Variants in RNF125 observed in about 807,000 individuals in gnomAD.
The protein encoded by RNF125 is E3 ubiquitin-protein ligase RNF125.
RNF125 carries 21 observed loss-of-function variants against 26.0 expected under a neutral mutation model. The ratio of observed to expected loss-of-function variants is 0.81; its 90% CI spans 0.57 to 1.16. RNF125 has a LOEUF of 1.16. Ranked by LOEUF, RNF125 falls within the 50% of genes most tolerant of loss-of-function variation. RNF125 has a pLI of 0.00. For synonymous variants in RNF125, 95 were observed against 109.2 expected (o/e 0.87, Z 0.81); for missense variants, 270 against 299.4 (o/e 0.90, Z 0.72).
At chr18:32,031,230 A>T (rs373374422) in intron 1 of RNF125, 2 of 151,984 alleles carry the variant, frequency 1.3e-5, no homozygotes, top group African/African-American at 4.8e-5. Context: ...TCTTGAAAAG[A>T]CTACAAAATT....
rs947487655 is a variant in RNF125, at chr18:32,070,958, C to A, written c.*2574C>A. On this transcript the variant is annotated 3_prime_UTR_variant, in exon 6 of 6. Coordinates refer to ENST00000217740, the MANE Select transcript of RNF125 (RefSeq NM_017831.4). ...ACCTCAGGTGATCCGCCTGCCTCGGCCTCCCAAAGTGCTGGGATTACAGGT... is the reference window on the plus strand; with the variant it reads ...ACCTCAGGTGATCCGCCTGCCTCGGACTCCCAAAGTGCTGGGATTACAGGT... 6.6e-6 allele frequency: 1 copy of A among 152,272 alleles called. No homozygotes were observed. Among genetic ancestry groups the A allele is most frequent in the Non-Finnish European group, 1.5e-5 (1 of 68,114 alleles). 9.4% of individuals were successfully genotyped at this position (152,272 alleles called of 1,614,324 possible). A position where few individuals can be genotyped will look rare whatever the true frequency, so the allele number is the denominator to read the frequency against.
chr18:32,085,382 AGAG>A, the RNF125 span, among the ~76,000 whole-genome samples: 1 of 114,378 alleles, frequency 8.7e-6, no homozygotes, highest in Non-Finnish European at 1.8e-5. Context: ...GCAGAGAGAG[AGAG>A]AGAGAGAGAG....
intron 4 of RNF125, among the ~76,000 whole-genome samples, chr18:32,061,787 T>C (rs868612030): frequency 9.2e-5 from 14 of 152,224 alleles, no homozygotes; most frequent in Non-Finnish European, 1.8e-4. Context: ...CTTGATACAC[T>C]ATTGAAAGTA....
chr18:32,082,774 A>G, the RNF125 span, among the ~76,000 whole-genome samples: 2,320 of 152,278 alleles, frequency 0.015, 64 homozygotes, highest in African/African-American at 0.053. Context: ...GAAAAACACA[A>G]TTCGTATAAC....
intron 4 of RNF125, among the ~76,000 whole-genome samples, chr18:32,059,851 A>T (rs1217254170): frequency 1.3e-5 from 2 of 152,154 alleles, no homozygotes; most frequent in Non-Finnish European, 2.9e-5. Context: ...TATCCTAAGG[A>T]TTTAGAGGAA....
At chr18:32,083,904 G>A in the RNF125 span, among the ~76,000 whole-genome samples, 27 of 139,018 alleles carry the variant, frequency 1.9e-4, no homozygotes, top group Admixed American at 4.4e-4. Context: ...ACCCTGTCTC[G>A]AAAAAAAAAA....
Position 32,045,743 on chromosome 18 carries a change from T to C in RNF125, c.504+11T>C. 1.3e-6 allele frequency: 2 copies of C among 1,570,380 alleles called. No homozygotes were observed. The highest frequency in any genetic ancestry group is 1.4e-5 in the African/African-American group (1 of 73,912). On this transcript the variant is annotated intron_variant, in intron 4 of 5. Transcript: ENST00000217740. Reference sequence around the variant, plus strand: ...GAACGGAGGCCTGTGGTAAGGATTTTTGTTACATGTATTACAGCAATGTCT... The same window carrying C: ...GAACGGAGGCCTGTGGTAAGGATTTCTGTTACATGTATTACAGCAATGTCT...
intron 2 of RNF125, among the ~76,000 whole-genome samples, chr18:32,041,661 C>G (rs1161997718): frequency 9.7e-6 from 1 of 103,104 alleles, no homozygotes; most frequent in Non-Finnish European, 1.7e-5. Flanking sequence ...GACGGAGTCT[C>G]GCTCTGTCGC....
At chr18:32,048,952 T>C (rs571647064) in intron 4 of RNF125, among the ~76,000 whole-genome samples, 4 of 152,366 alleles carry the variant, frequency 2.6e-5, no homozygotes, top group African/African-American at 7.2e-5. Flanking sequence ...CTAGCAACTC[T>C]GTGAAGAAGG....
intron 1 of RNF125, among the ~76,000 whole-genome samples, chr18:32,025,443 C>G (rs2039023715): frequency 6.6e-6 from 1 of 151,904 alleles, no homozygotes; most frequent in Non-Finnish European, 1.5e-5. Flanking sequence ...GTGGGGGGAT[C>G]ACCTGAGGTC....
At chr18:32,026,342 G>A (rs189671850) in intron 1 of RNF125, among the ~76,000 whole-genome samples, 7 of 142,458 alleles carry the variant, frequency 4.9e-5, no homozygotes, top group African/African-American at 1.9e-4. Context: ...TCTGCCTCCC[G>A]GGTTCAAGCA....
At chr18:32,019,128 CT>C in intron 1 of RNF125, 101 bp downstream of exon 1, 1 of 1,415,572 alleles carries the variant, frequency 7.1e-7, no homozygotes, top group Non-Finnish European at 9.6e-7. Context: ...AAGACAGCCT[CT>C]TAGGAAATTG....
chr18:32,053,281 GAAC>G, intron 4 of RNF125, among the ~76,000 whole-genome samples: 1 of 152,156 alleles, frequency 6.6e-6, no homozygotes, highest in Non-Finnish European at 1.5e-5. Context: ...AGAATCGCTT[GAAC>G]CCGGGAGGTG....
the RNF125 span, among the ~76,000 whole-genome samples, chr18:32,086,131 C>T: frequency 7.9e-5 from 12 of 152,044 alleles, no homozygotes; most frequent in African/African-American, 2.2e-4. Context: ...TTTCTTTTCA[C>T]GGCTGGCTCT....
At chr18:32,062,020 CAG>C (rs1173099106) in intron 4 of RNF125, among the ~76,000 whole-genome samples, 4 of 152,152 alleles carry the variant, frequency 2.6e-5, no homozygotes, top group Non-Finnish European at 5.9e-5. Context: ...TCTTCAAGGA[CAG>C]GGATCAAATA....
chr18:32,063,948 A>G (rs1349428321), intron 4 of RNF125, among the ~76,000 whole-genome samples: 1 of 151,924 alleles, frequency 6.6e-6, no homozygotes, highest in Non-Finnish European at 1.5e-5. Flanking sequence ...ATTCCTTTGC[A>G]GTGACAGAAT....
the RNF125 span, among the ~76,000 whole-genome samples, chr18:32,089,984 G>A: frequency 4.6e-5 from 7 of 152,352 alleles, no homozygotes; most frequent in Admixed American, 1.3e-4. Context: ...AGTGGCTCAG[G>A]CCTGTAATTC....
At chr18:32,075,576 C>G (rs1370417518), downstream of RNF125, among the ~76,000 whole-genome samples, 2 of 151,334 alleles carry the variant, frequency 1.3e-5, no homozygotes, top group African/African-American at 4.9e-5. Context: ...GCCTGTAATC[C>G]CAGCTACTCA....
intron 4 of RNF125, among the ~76,000 whole-genome samples, chr18:32,050,724 T>G (rs186980134): frequency 2.6e-5 from 4 of 152,166 alleles, no homozygotes; most frequent in African/African-American, 9.6e-5. Context: ...TTAGACTGAA[T>G]TATGAGACCA....
Sources: allele counts gnomAD v4.1 joint callset (sites outside exome capture counted in the v4.1 genomes callset), GRCh38; gene constraint gnomAD v4.1.1; transcripts MANE v1.5; gene names NCBI Gene and HGNC (gene_info 2026-07-23, HGNC 2026-07-21).